The following CCSER1 variants were observed in gnomAD, a reference collection of about 807,000 sequenced individuals.
CCSER1 encodes the protein serine-rich coiled-coil domain-containing protein 1.
A neutral mutation model predicts 82.0 loss-of-function variants in CCSER1; 41 were observed. That is an observed-to-expected ratio of 0.50 (90% CI 0.39 to 0.65). CCSER1 has a LOEUF of 0.65. Ranked by LOEUF, CCSER1 falls within the 30% of genes least tolerant of loss-of-function variation. CCSER1 has a pLI of 0.00. For missense variants in CCSER1, 1,119 were observed against 1,064.2 expected (o/e 1.05, Z -0.72); for synonymous variants, 414 against 383.9 (o/e 1.08, Z -0.92).
chr4:91,437,662 C>T (rs539504335), intron 10 of CCSER1, among the ~76,000 whole-genome samples: 6 of 152,126 alleles, frequency 3.9e-5, no homozygotes, highest in South Asian at 2.1e-4. Context: ...CTGCGCCAGC[C>T]GAAGCAGGGC....
chr4:90,491,283 G>A (rs965565693), intron 5 of CCSER1, among the ~76,000 whole-genome samples: 2 of 152,070 alleles, frequency 1.3e-5, no homozygotes, highest in African/African-American at 4.8e-5. Context: ...TGAAGCAATT[G>A]TGAATGGGAG....
chr4:90,908,590 A>AT (rs1725852418), intron 8 of CCSER1, among the ~76,000 whole-genome samples: 1 of 152,166 alleles, frequency 6.6e-6, no homozygotes, highest in Non-Finnish European at 1.5e-5. Context: ...AAATCGTATG[A>AT]TTTTAAGATG....
chr4:91,252,562 C>T (rs897526758), intron 10 of CCSER1, among the ~76,000 whole-genome samples: 3 of 152,082 alleles, frequency 2.0e-5, no homozygotes, highest in Non-Finnish European at 4.4e-5. Flanking sequence ...TGGTTTGCAG[C>T]TCCACGTTTT....
At chr4:90,355,036 TAA>T (rs1358339476) in intron 3 of CCSER1, among the ~76,000 whole-genome samples, 1 of 152,010 alleles carries the variant, frequency 6.6e-6, no homozygotes, top group Non-Finnish European at 1.5e-5. Flanking sequence ...TTAACTCTAC[TAA>T]AAAAGAGTAT....
intron 8 of CCSER1, among the ~76,000 whole-genome samples, chr4:90,864,778 C>G (rs915832285): frequency 6.6e-6 from 1 of 152,024 alleles, no homozygotes; most frequent in Non-Finnish European, 1.5e-5. Flanking sequence ...GGCACAATCT[C>G]TGGTCCAATA....
chr4:90,137,883 T>C lies in CCSER1; in HGVS notation c.-42+10052T>C, dbSNP rs149557719. Among the ~76,000 whole-genome samples the C allele has an allele frequency of 1.2e-4, 18 of 152,352 alleles. No individual in the cohort carries two copies. In the East Asian group the frequency reaches 3.5e-3, roughly 29 times the overall value. Reference sequence around the variant, plus strand: ...CCTTCCATCATTTGGCTTATTCTAGTAGGCCCTTCAAAGTTCTTTTTAAAA... The same window carrying C: ...CCTTCCATCATTTGGCTTATTCTAGCAGGCCCTTCAAAGTTCTTTTTAAAA... On this transcript the variant is annotated intron_variant, in intron 1 of 10. Coordinates refer to ENST00000509176, the MANE Select transcript of CCSER1 (RefSeq NM_001145065.2).
chr4:90,580,474 C>T (rs1253449404), intron 5 of CCSER1, among the ~76,000 whole-genome samples: 3 of 152,178 alleles, frequency 2.0e-5, no homozygotes, highest in Non-Finnish European at 2.9e-5. Context: ...CTCCCCTACC[C>T]TCAAGAGCAA....
chr4:91,334,266 C>G (rs1212633943), intron 10 of CCSER1, among the ~76,000 whole-genome samples: 3 of 151,990 alleles, frequency 2.0e-5, no homozygotes, highest in Non-Finnish European at 4.4e-5. Context: ...CTTGCTCATG[C>G]CTTCTTCAAA....
At chr4:90,403,552 G>A (rs1022103034) in intron 4 of CCSER1, among the ~76,000 whole-genome samples, 2 of 147,454 alleles carry the variant, frequency 1.4e-5, no homozygotes, top group Admixed American at 1.3e-4. Flanking sequence ...AGAAGCTTAT[G>A]ATTGATAATT....
chr4:90,560,856 A>G (rs1409564538), intron 5 of CCSER1, among the ~76,000 whole-genome samples: 2 of 152,146 alleles, frequency 1.3e-5, no homozygotes, highest in African/African-American at 4.8e-5. Flanking sequence ...ATCTGGTTTA[A>G]TTCTGGATGT....
chr4:90,836,513 G>A (rs537866996), intron 8 of CCSER1, among the ~76,000 whole-genome samples: 4 of 152,050 alleles, frequency 2.6e-5, no homozygotes, highest in Admixed American at 2.0e-4. Context: ...CCAAATTCTA[G>A]GGCTAAGAAT....
intron 1 of CCSER1, among the ~76,000 whole-genome samples, chr4:90,299,148 C>T (rs1347561500): frequency 6.6e-6 from 1 of 152,066 alleles, no homozygotes; most frequent in African/African-American, 2.4e-5. Flanking sequence ...TTCCTAAATC[C>T]TGCTAGAATA....
At chr4:90,522,831 T>C (rs144848313) in intron 5 of CCSER1, among the ~76,000 whole-genome samples, 1 of 152,286 alleles carries the variant, frequency 6.6e-6, no homozygotes, top group East Asian at 1.9e-4. Flanking sequence ...AAATTCTCTA[T>C]GCATAACATA....
intron 10 of CCSER1, among the ~76,000 whole-genome samples, chr4:91,142,302 G>T (rs1223487947): frequency 6.6e-6 from 1 of 152,108 alleles, no homozygotes; most frequent in Non-Finnish European, 1.5e-5. Flanking sequence ...ACTGTCTCTT[G>T]CTTTCTGCCA....
At chr4:91,284,989 G>A (rs2149208699) in intron 10 of CCSER1, among the ~76,000 whole-genome samples, 1 of 152,118 alleles carries the variant, frequency 6.6e-6, no homozygotes, top group African/African-American at 2.4e-5. Flanking sequence ...AATTTTGAAA[G>A]TTTGGGTTCT....
intron 4 of CCSER1, among the ~76,000 whole-genome samples, chr4:90,442,167 G>A (rs1412332610): frequency 6.6e-6 from 1 of 152,060 alleles, no homozygotes; most frequent in African/African-American, 2.4e-5. Flanking sequence ...TCACAACGAG[G>A]GGGGTCATCA....
At chr4:90,972,959 A>G (rs1735259487) in intron 9 of CCSER1, among the ~76,000 whole-genome samples, 1 of 151,800 alleles carries the variant, frequency 6.6e-6, no homozygotes, top group African/African-American at 2.4e-5. Flanking sequence ...CTGGATATCC[A>G]TATGTAGAAG....
intron 10 of CCSER1, among the ~76,000 whole-genome samples, chr4:91,339,421 C>A (rs1393955969): frequency 6.6e-6 from 1 of 151,918 alleles, no homozygotes; most frequent in Non-Finnish European, 1.5e-5. Flanking sequence ...AGAAAAAAAA[C>A]CCTATAGTTA....
intron 7 of CCSER1, among the ~76,000 whole-genome samples, chr4:90,727,890 A>G (rs1743952472): frequency 6.6e-6 from 1 of 152,198 alleles, no homozygotes; most frequent in South Asian, 2.1e-4. Context: ...TTAGGAAATC[A>G]TATTATCCTA....
Sources: gnomAD v4.1 joint callset for allele counts (sites outside exome capture counted in the v4.1 genomes callset) on GRCh38, gnomAD v4.1.1 for gene constraint, MANE v1.5 for transcripts, NCBI Gene and HGNC (gene_info 2026-07-23, HGNC 2026-07-21) for gene names.